Variants in TASP1 observed in about 807,000 individuals in gnomAD.
TASP1 encodes taspase 1.
TASP1 carries 16 observed loss-of-function variants against 56.6 expected under a neutral mutation model. The observed-to-expected ratio is 0.28, with a 90% confidence interval of 0.19 to 0.43. The LOEUF (loss-of-function observed/expected upper bound fraction) is 0.43, where lower values mean the gene tolerates loss of function less well. Among genes scored for constraint, TASP1 ranks in the 20% least tolerant of loss-of-function variants. TASP1 has a pLI of 1.00. For missense variants in TASP1, 393 were observed against 511.6 expected (o/e 0.77, Z 2.24); for synonymous variants, 179 against 184.2 (o/e 0.97, Z 0.23).
At position 13,615,758 on chromosome 20, in the gene TASP1, C is replaced by T. The variant is rs557866416; in HGVS notation, c.282+7688G>A. 3.9e-5 allele frequency among the ~76,000 whole-genome samples: 6 copies of T among 152,178 alleles called. No homozygotes were observed. The South Asian group carries it at 1.0e-3, about 26-fold the overall frequency. The stretch of plus-strand genomic sequence containing the variant: ...GACCTCGTGATCCGCCCGTCTCGGC[C>T]TCCCAAAGTGCTGGGATTACAGGTG... On this transcript the variant is annotated intron_variant, in intron 4 of 13. Coordinates refer to ENST00000337743, the MANE Select transcript of TASP1 (RefSeq NM_017714.3).
At chr20:13,143,048 T>C in the TASP1 span, among the ~76,000 whole-genome samples, 28 of 152,376 alleles carry the variant, frequency 1.8e-4, no homozygotes, top group African/African-American at 6.7e-4. Context: ...ATAGGAGGAC[T>C]TTATGTAGTT....
chr20:13,370,340 G>A, the TASP1 span, among the ~76,000 whole-genome samples: 2 of 151,944 alleles, frequency 1.3e-5, no homozygotes, highest in African/African-American at 2.4e-5. Flanking sequence ...ATAATGTAAC[G>A]TAATTTATTA....
intron 13 of TASP1, among the ~76,000 whole-genome samples, chr20:13,400,596 A>G (rs945542114): frequency 3.3e-5 from 5 of 152,220 alleles, no homozygotes; most frequent in Non-Finnish European, 7.3e-5. Context: ...GTTTCATTTT[A>G]TCGCTTCAAC....
At chr20:13,514,147 C>G (rs1442081351) in intron 10 of TASP1, among the ~76,000 whole-genome samples, 4 of 152,078 alleles carry the variant, frequency 2.6e-5, no homozygotes, top group African/African-American at 7.2e-5. Context: ...GCAGTAAATA[C>G]TCTTTTATAT....
intron 6 of TASP1, among the ~76,000 whole-genome samples, chr20:13,571,423 C>T (rs528618886): frequency 3.3e-5 from 5 of 152,296 alleles, no homozygotes; most frequent in East Asian, 1.9e-4. Flanking sequence ...TCTGATTCTC[C>T]GAGGAGGAAA....
intron 10 of TASP1, among the ~76,000 whole-genome samples, chr20:13,512,190 C>T (rs563249024): frequency 6.6e-6 from 1 of 152,268 alleles, no homozygotes; most frequent in East Asian, 1.9e-4. Context: ...CACTGTCTTC[C>T]ACAATGGTTG....
At chr20:13,573,086 T>G (rs1311092935) in intron 6 of TASP1, among the ~76,000 whole-genome samples, 1 of 152,238 alleles carries the variant, frequency 6.6e-6, no homozygotes, top group Non-Finnish European at 1.5e-5. Context: ...TATTGATTAT[T>G]TAAAGCTTAT....
chr20:13,323,101 T>C, the TASP1 span, among the ~76,000 whole-genome samples: 2 of 151,250 alleles, frequency 1.3e-5, no homozygotes, highest in Non-Finnish European at 2.9e-5. Context: ...GGAGGAAAAA[T>C]AGGAACTAAG....
intron 13 of TASP1, among the ~76,000 whole-genome samples, chr20:13,406,769 C>T (rs1333815464): frequency 1.3e-5 from 2 of 151,568 alleles, no homozygotes; most frequent in African/African-American, 4.9e-5. Context: ...CAGGTTCACG[C>T]CATTCTCCTG....
At chr20:13,278,790 G>A in the TASP1 span, among the ~76,000 whole-genome samples, 1 of 152,200 alleles carries the variant, frequency 6.6e-6, no homozygotes, top group African/African-American at 2.4e-5. Flanking sequence ...ACCCAATTGA[G>A]GCTGGAAGAT....
the TASP1 span, among the ~76,000 whole-genome samples, chr20:13,241,669 GA>G: frequency 6.6e-6 from 1 of 152,288 alleles, no homozygotes; most frequent in Non-Finnish European, 1.5e-5. Context: ...GACGTTTGAG[GA>G]GAGAAGATAT....
At chr20:13,338,607 T>C in the TASP1 span, among the ~76,000 whole-genome samples, 2 of 152,166 alleles carry the variant, frequency 1.3e-5, no homozygotes. Context: ...CAAAATACAG[T>C]AGGTTGCAAG....
chr20:13,533,994 C>T, intron 9 of TASP1, 28 bp downstream of exon 9: 1 of 1,587,602 alleles, frequency 6.3e-7, no homozygotes, highest in Non-Finnish European at 8.6e-7. Flanking sequence ...CTTTGAAAGG[C>T]TAGTTTAAAA....
At chr20:13,446,121 G>A (rs958498763) in intron 11 of TASP1, among the ~76,000 whole-genome samples, 1 of 152,138 alleles carries the variant, frequency 6.6e-6, no homozygotes, top group African/African-American at 2.4e-5. Context: ...GAGGGAGACA[G>A]TATTTTAATC....
At chr20:13,111,868 G>C in the TASP1 span, among the ~76,000 whole-genome samples, 1 of 152,138 alleles carries the variant, frequency 6.6e-6, no homozygotes, top group African/African-American at 2.4e-5. Context: ...TAGACAACTG[G>C]CATTTTACTG....
At chr20:13,555,890 G>A (rs1226278342) in intron 8 of TASP1, among the ~76,000 whole-genome samples, 2 of 152,164 alleles carry the variant, frequency 1.3e-5, no homozygotes, top group Non-Finnish European at 2.9e-5. Context: ...TTCACAGCAA[G>A]CATAATGAGG....
At chr20:13,279,946 G>T in the TASP1 span, 1 of 1,564,242 alleles carries the variant, frequency 6.4e-7, no homozygotes, top group Non-Finnish European at 8.7e-7. Context: ...GAATAAACGA[G>T]GATGATGCCT....
At chr20:13,512,653 A>G (rs1001570996) in intron 10 of TASP1, among the ~76,000 whole-genome samples, 3 of 152,176 alleles carry the variant, frequency 2.0e-5, no homozygotes, top group African/African-American at 7.2e-5. Context: ...TGCTTTTGGT[A>G]TATTAGTCAT....
chr20:13,329,851 A>T, the TASP1 span, among the ~76,000 whole-genome samples: 1 of 152,144 alleles, frequency 6.6e-6, no homozygotes, highest in Non-Finnish European at 1.5e-5. Context: ...ACCATTAAGT[A>T]TAATTTTAGC....
Sources: gnomAD v4.1 joint callset for allele counts (sites outside exome capture counted in the v4.1 genomes callset) on GRCh38, gnomAD v4.1.1 for gene constraint, MANE v1.5 for transcripts, NCBI Gene and HGNC (gene_info 2026-07-23, HGNC 2026-07-21) for gene names.